Variants in GNG7 observed in about 807,000 individuals in gnomAD.
GNG7 encodes G protein subunit gamma 7, also known as guanine nucleotide-binding protein G(I)/G(S)/G(O) subunit gamma-7.
GNG7 carries 1 observed loss-of-function variant against 4.0 expected under a neutral mutation model. The ratio of observed to expected loss-of-function variants is 0.25; its 90% CI spans 0.09 to 1.18. The LOEUF (loss-of-function observed/expected upper bound fraction) is 1.18. GNG7 is among the 50% of genes most tolerant of loss of function. GNG7 has a pLI of 0.50. For missense variants in GNG7, 86 were observed against 91.9 expected, an observed-to-expected ratio of 0.94 and a Z score of 0.26; for synonymous variants, 34 against 36.9, an observed-to-expected ratio of 0.92 and a Z score of 0.29.
At position 2,574,032 on chromosome 19, in the gene GNG7, C is replaced by T. The variant is rs935879291; in HGVS notation, c.-77-18844G>A. ...CCGCCTCGGGGAGGCCTGGGTATCC[C>T]GAGACCAGAGATGCTGCCTTCTCAC... is the stretch of plus-strand genomic sequence containing the variant. On this transcript the variant is annotated intron_variant, in intron 2 of 4. Transcript: ENST00000382159. Among the ~76,000 whole-genome samples the T allele has an allele frequency of 6.6e-5, 10 of 152,112 alleles. No individual in the cohort carries two copies. The East Asian group carries it at 7.7e-4, about 12-fold the overall frequency.
chr19:2,610,404 G>C (rs1981526002), intron 2 of GNG7: 3 of 151,690 alleles, frequency 2.0e-5, no homozygotes, highest in Non-Finnish European at 1.5e-5. Flanking sequence ...CTGGAGTGTA[G>C]TGGTGTGATC....
chr19:2,635,887 TG>T (rs772019858), intron 2 of GNG7, among the ~76,000 whole-genome samples: 15 of 152,122 alleles, frequency 9.9e-5, no homozygotes, highest in Non-Finnish European at 2.2e-4. Context: ...CTGGCCAACT[TG>T]GGGTGATTCT....
chr19:2,568,099 T>G (rs35977511), intron 2 of GNG7, among the ~76,000 whole-genome samples: 4 of 125,424 alleles, frequency 3.2e-5, no homozygotes, highest in Admixed American at 7.9e-5. Flanking sequence ...ACACACACAC[T>G]TACACACATG....
chr19:2,579,212 C>T (rs1054163884), intron 2 of GNG7, among the ~76,000 whole-genome samples: 3 of 152,260 alleles, frequency 2.0e-5, no homozygotes, highest in African/African-American at 7.2e-5. Flanking sequence ...GTCACCCGGA[C>T]ACACCTGACT....
At position 2,634,272 on chromosome 19, in the gene GNG7, G is replaced by A. The variant is rs565168597; in HGVS notation, c.-78+11952C>T. 6.3e-4 allele frequency among the ~76,000 whole-genome samples: 96 copies of A among 152,302 alleles called. No individual in the cohort carries two copies. The highest frequency in any genetic ancestry group is 3.4e-3 in the Middle Eastern group (1 of 294). On this transcript the variant is annotated intron_variant, in intron 2 of 4. Transcript: ENST00000382159. This position sits in a 1 kb window ranked among gnomAD's most constrained non-coding sequence, Gnocchi z 5.3. ...CCCGATTGTTCTCTGGGGTGGGGCC[G>A]TCCTGGGCACTGCGGGGTGCTGAGC...
intron 2 of GNG7, among the ~76,000 whole-genome samples, chr19:2,606,596 G>A (rs1304839329): frequency 4.6e-5 from 7 of 151,302 alleles, no homozygotes; most frequent in South Asian, 2.1e-4. Context: ...TGGAGGTTGC[G>A]GTGAGCCAAG....
Position 2,546,789 on chromosome 19 carries a change from G to T in GNG7, c.-38+8360C>A, listed in dbSNP as rs949872982. ...AAGAAAAGCTGCTCTCTGTCCACCC[G>T]GCGGTGGGGTCGGCGGGGGCGGGGG... On this transcript the variant is annotated intron_variant, in intron 3 of 4. Transcript: ENST00000382159. The surrounding 1 kb of genome is among the most constrained non-coding windows in gnomAD (Gnocchi z 6.3). 6.6e-6 allele frequency among the ~76,000 whole-genome samples: 1 copy of T among 152,204 alleles called. No individual in the cohort carries two copies. The highest frequency in any genetic ancestry group is 1.5e-5 in the Non-Finnish European group (1 of 68,038).
intron 3 of GNG7, among the ~76,000 whole-genome samples, chr19:2,526,213 G>A (rs754165758): frequency 1.1e-4 from 17 of 151,360 alleles, no homozygotes; most frequent in South Asian, 2.1e-4. Flanking sequence ...CTTGTGATCC[G>A]CCTGCCTCGG....
chr19:2,657,361 A>AAAAAAAAATATAT (rs1555701153), intron 1 of GNG7, among the ~76,000 whole-genome samples: 5 of 16,338 alleles, frequency 3.1e-4, no homozygotes, highest in Non-Finnish European at 4.1e-4. Flanking sequence ...AAAAAAAAAA[A>AAAAAAAAATATAT]ATATATATAT....
intron 3 of GNG7, among the ~76,000 whole-genome samples, chr19:2,523,469 C>G (rs1299146205): frequency 6.6e-6 from 1 of 151,994 alleles, no homozygotes; most frequent in Non-Finnish European, 1.5e-5. Flanking sequence ...GGGAGGATCA[C>G]TTGAGCCTGG....
At chr19:2,692,226 C>T (rs1913150201) in intron 1 of GNG7, among the ~76,000 whole-genome samples, 1 of 152,226 alleles carries the variant, frequency 6.6e-6, no homozygotes, top group East Asian at 1.9e-4. Flanking sequence ...AAGCCACAGC[C>T]GTCTCTGTGC....
At chr19:2,583,268 T>G (rs1980555334) in intron 2 of GNG7, among the ~76,000 whole-genome samples, 1 of 152,206 alleles carries the variant, frequency 6.6e-6, no homozygotes, top group Non-Finnish European at 1.5e-5. Flanking sequence ...CTTTAAACCT[T>G]TGTGTGTTTT....
intron 3 of GNG7, among the ~76,000 whole-genome samples, chr19:2,551,581 A>G (rs1050670434): frequency 7.4e-5 from 11 of 148,006 alleles, no homozygotes; most frequent in Non-Finnish European, 1.6e-4. Context: ...TCTATAATAT[A>G]TAAATATGCA....
Position 2,699,275 on chromosome 19 carries a change from A to G in GNG7, c.-135+3371T>C, listed in dbSNP as rs376871937. 2.6e-5 allele frequency among the ~76,000 whole-genome samples: 4 copies of G among 151,746 alleles called. No homozygotes were observed. In the East Asian group the frequency reaches 5.8e-4, roughly 22 times the overall value. On this transcript the variant is annotated intron_variant, in intron 1 of 4. Transcript: ENST00000382159. ...GTGATTCTCCTGCCTCAGCCCCCCAAGTAGCTGGGATTACAGGCGTGTGCT... is the reference window on the plus strand; with the variant it reads ...GTGATTCTCCTGCCTCAGCCCCCCAGGTAGCTGGGATTACAGGCGTGTGCT...
intron 2 of GNG7, among the ~76,000 whole-genome samples, chr19:2,645,086 G>T (rs891718890): frequency 6.6e-6 from 1 of 152,104 alleles, no homozygotes; most frequent in African/African-American, 2.4e-5. Flanking sequence ...ATACTTCAGG[G>T]CCGGGTGCAA....
chr19:2,584,045 G>A (rs1188944012), intron 2 of GNG7, among the ~76,000 whole-genome samples: 4 of 152,092 alleles, frequency 2.6e-5, no homozygotes, highest in African/African-American at 4.8e-5. Context: ...AGAAGAGGTT[G>A]GCTCCAGGAC....
At chr19:2,545,084 G>A (rs1490492843) in intron 3 of GNG7, among the ~76,000 whole-genome samples, 1 of 152,124 alleles carries the variant, frequency 6.6e-6, no homozygotes, top group African/African-American at 2.4e-5. Flanking sequence ...CACAGCAGAG[G>A]ATCATGGGAC....
intron 1 of GNG7, among the ~76,000 whole-genome samples, chr19:2,696,356 A>G (rs1407429206): frequency 4.1e-5 from 6 of 146,822 alleles, no homozygotes; most frequent in African/African-American, 1.6e-4. Flanking sequence ...GAAAAGAAAG[A>G]AAAGAAAGAA....
chr19:2,610,961 AG>A (rs1325636076), intron 2 of GNG7: 4 of 4,734 alleles, frequency 8.4e-4, no homozygotes, highest in African/African-American at 3.5e-3. Flanking sequence ...GGTGGGGACG[AG>A]GGGGCGGGTG....
Sources: allele counts gnomAD v4.1 joint callset (sites outside exome capture counted in the v4.1 genomes callset), GRCh38; gene constraint gnomAD v4.1.1; non-coding constraint Gnocchi (gnomAD v3.1); transcripts MANE v1.5; gene names NCBI Gene and HGNC (gene_info 2026-07-23, HGNC 2026-07-21).